Variants in MASTL observed in about 807,000 individuals in gnomAD.
MASTL encodes the protein serine/threonine-protein kinase greatwall.
MASTL carries 54 observed loss-of-function variants against 82.5 expected under a neutral mutation model. That is an observed-to-expected ratio of 0.65 (90% CI 0.53 to 0.82). The LOEUF (loss-of-function observed/expected upper bound fraction) is 0.82, where lower values mean the gene tolerates loss of function less well. MASTL is among the 40% of genes least tolerant of loss of function. The pLI is 0.00. For missense variants in MASTL, 950 were observed against 1,047.8 expected (o/e 0.91, Z 1.29); for synonymous variants, 323 against 368.9 (o/e 0.88, Z 1.43).
At chr10:27,177,167 T>C (rs2058128150) in intron 9 of MASTL, among the ~76,000 whole-genome samples, 1 of 152,104 alleles carries the variant, frequency 6.6e-6, no homozygotes, top group Non-Finnish European at 1.5e-5. Flanking sequence ...GTTTTCTGCC[T>C]TCTGCATAGC....
Position 27,159,604 on chromosome 10 carries a change from A to G in MASTL, c.325-15A>G. Reference sequence around the variant, plus strand: ...TATTGTTTTTATTTCACAATATTAAATTCTTTTTTGAAAGGTAATGGAATA... The same window carrying G: ...TATTGTTTTTATTTCACAATATTAAGTTCTTTTTTGAAAGGTAATGGAATA... On this transcript the variant is annotated splice_polypyrimidine_tract_variant and intron_variant, in intron 2 of 11. Transcript: ENST00000375940. This position sits in a 1 kb window ranked among gnomAD's most constrained non-coding sequence, Gnocchi z 4.0. 1.4e-6 allele frequency: 2 copies of G among 1,468,336 alleles called. No homozygotes were observed. Among genetic ancestry groups the G allele is most frequent in the Non-Finnish European group, 1.9e-6 (2 of 1,048,944 alleles). 91.0% of individuals were successfully genotyped at this position (1,468,336 alleles called of 1,614,324 possible).
At chr10:27,184,554 A>AGTTTTT (rs2058537244) in intron 11 of MASTL, among the ~76,000 whole-genome samples, 1 of 84,848 alleles carries the variant, frequency 1.2e-5, no homozygotes, top group Admixed American at 1.8e-4. Flanking sequence ...TATAAGAAGG[A>AGTTTTT]TTTTTTTTTT....
At chr10:27,173,735 C>T (rs1188535450) in intron 9 of MASTL, among the ~76,000 whole-genome samples, 2 of 152,074 alleles carry the variant, frequency 1.3e-5, no homozygotes, top group Non-Finnish European at 2.9e-5. Flanking sequence ...CATCCACCAT[C>T]ATGCCCGCCT....
At chr10:27,178,955 A>G (rs1157885859) in intron 9 of MASTL, among the ~76,000 whole-genome samples, 1 of 152,178 alleles carries the variant, frequency 6.6e-6, no homozygotes, top group Non-Finnish European at 1.5e-5. Flanking sequence ...TATGGCTCGC[A>G]GGTAAAATGG....
intron 3 of MASTL, among the ~76,000 whole-genome samples, chr10:27,160,814 T>A (rs1445930396): frequency 6.6e-6 from 1 of 152,054 alleles, no homozygotes; most frequent in Non-Finnish European, 1.5e-5. Context: ...TGAGGTTGAT[T>A]TTATCTAATA....
In MASTL at chr10:27,155,535, A is replaced by C. The variant is rs1012781973; in HGVS notation, c.109A>C (p.Ile37Leu). 1 of 1,614,192 alleles carries C rather than the reference A, an allele frequency of 6.2e-7. No homozygotes were observed. Among genetic ancestry groups the C allele is most frequent in the East Asian group, 2.2e-5 (1 of 44,872 alleles). Reference protein sequence around the residue: ...PKPPSIEEFSIVKPISRGAFG... With the variant: ...PKPPSIEEFSLVKPISRGAFG... ...ACCGCCCTCCATTGAGGAATTCAGCATAGTGAAGCCCATTAGCCGGGGCGC... is the reference window on the plus strand; with the variant it reads ...ACCGCCCTCCATTGAGGAATTCAGCCTAGTGAAGCCCATTAGCCGGGGCGC... Residue 37 changes from isoleucine to leucine, a missense_variant, in exon 1 of 12, where the codon ATA becomes CTA. Coordinates refer to ENST00000375940, the MANE Select transcript of MASTL (RefSeq NM_001172303.3).
In MASTL at chr10:27,161,182, G is replaced by A. The variant is rs1445023135; in HGVS notation, c.553G>A (p.Asp185Asn). 4 of 1,538,952 alleles carry A rather than the reference G, an allele frequency of 2.6e-6. No individual in the cohort carries two copies. Among genetic ancestry groups the A allele is most frequent in the Non-Finnish European group, 9.0e-7 (1 of 1,112,004 alleles). ...FGLSKVTLNRDINMMDILTTP... is the reference protein window; with the variant it reads ...FGLSKVTLNRNINMMDILTTP... ...CCTTTCAAAAGTTACTTTGAATAGA[G>A]GTAAGAAAAATATCAAGTAAGTACT... Residue 185 changes from aspartate to asparagine, a missense_variant and splice_region_variant, in exon 4 of 12, where the codon GAT becomes AAT. Coordinates refer to ENST00000375940, the MANE Select transcript of MASTL (RefSeq NM_001172303.3).
intron 1 of MASTL, 60 bp downstream of exon 1, chr10:27,155,672 A>T: frequency 6.3e-7 from 1 of 1,596,374 alleles, no homozygotes; most frequent in Non-Finnish European, 8.6e-7. Context: ...TTCCTGCCCC[A>T]CCGGCTTGGG....
chr10:27,181,082 C>A lies in MASTL; in HGVS notation c.2380+16C>A. 6.6e-7 allele frequency: 1 copy of A among 1,517,844 alleles called. No homozygotes were observed. The highest frequency in any genetic ancestry group is 9.2e-7 in the Non-Finnish European group (1 of 1,092,512). The allele number at this position is 1,517,844 out of a possible 1,614,324, so 94.0% of individuals were successfully genotyped here. A position where few individuals can be genotyped will look rare whatever the true frequency, so the allele number is the denominator to read the frequency against. On this transcript the variant is annotated intron_variant, in intron 10 of 11. Coordinates refer to ENST00000375940, the MANE Select transcript of MASTL (RefSeq NM_001172303.3). ...CTGAAAAGAGGTGATTCTTTTTCTCCTATTAAGATAGTCATTTACTGGCTG... is the reference window on the plus strand; with the variant it reads ...CTGAAAAGAGGTGATTCTTTTTCTCATATTAAGATAGTCATTTACTGGCTG...
Position 27,159,669 on chromosome 10 carries a change from T to A in MASTL, c.375T>A (p.Tyr125Ter), listed in dbSNP as rs756890288. 1 of 1,576,974 alleles carries A rather than the reference T, an allele frequency of 6.3e-7. No homozygotes were observed. Among genetic ancestry groups the A allele is most frequent in the Non-Finnish European group, 8.7e-7 (1 of 1,146,274 alleles). ...ATGTCAAGTCTCTCCTACATATATA[T>A]GGTTATTTTGATGAAGAGATGGCTG... Reference protein sequence around the residue: ...GGDVKSLLHIYGYFDEEMAVK... With the variant: ...GGDVKSLLHI The change falls in exon 3 of 12, where the codon TAT becomes TAA. Residue 125 changes from tyrosine to a stop codon, truncating the protein, a stop_gained. Transcript: ENST00000375940. LOFTEE classifies it high-confidence loss of function. The surrounding 1 kb of genome is among the most constrained non-coding windows in gnomAD (Gnocchi z 4.0).
chr10:27,156,098 G>A (rs755765141), intron 1 of MASTL, among the ~76,000 whole-genome samples: 3 of 152,076 alleles, frequency 2.0e-5, no homozygotes, highest in Non-Finnish European at 2.9e-5. Context: ...TCCGCCCCCC[G>A]GGTTCACGCC....
chr10:27,185,829 C>T (rs1010937520), intron 11 of MASTL, among the ~76,000 whole-genome samples: 1 of 151,028 alleles, frequency 6.6e-6, no homozygotes, highest in Admixed American at 6.6e-5. Flanking sequence ...GTGACTCACA[C>T]CTGTAATCCC....
At chr10:27,158,723 T>C in intron 2 of MASTL, 37 bp downstream of exon 2, 8 of 1,606,002 alleles carry the variant, frequency 5.0e-6, no homozygotes, top group Non-Finnish European at 6.8e-6. Flanking sequence ...CTTTATCCAT[T>C]AAGCAGTCAT....
intron 11 of MASTL, among the ~76,000 whole-genome samples, chr10:27,181,910 C>T (rs1377193034): frequency 1.3e-5 from 2 of 151,784 alleles, no homozygotes; most frequent in African/African-American, 2.4e-5. Context: ...TCTGTCCCTA[C>T]TAAAAATACA....
At chr10:27,157,511 C>T (rs953231279) in intron 1 of MASTL, among the ~76,000 whole-genome samples, 3 of 152,318 alleles carry the variant, frequency 2.0e-5, no homozygotes, top group African/African-American at 7.2e-5. Flanking sequence ...TTATCATGTA[C>T]TAATGATTTT....
chr10:27,181,373 A>G, intron 10 of MASTL, 107 bp from the exon 11 acceptor site: 1 of 823,068 alleles, frequency 1.2e-6, no homozygotes, highest in Admixed American at 1.9e-5. Context: ...CCTGGGTGAC[A>G]AGAGTGAAAC....
intron 4 of MASTL, 75 bp from the exon 5 acceptor site, chr10:27,164,989 T>C: frequency 1.0e-6 from 1 of 982,046 alleles, no homozygotes; most frequent in East Asian, 2.5e-5. Context: ...TGTTGTCATA[T>C]ACATAACATT....
chr10:27,170,867 A>G lies in MASTL; in HGVS notation c.1908A>G (p.Leu636=). The change falls in exon 8 of 12, where the codon TTA becomes TTG. Residue 636 remains leucine (L), a synonymous_variant. Transcript: ENST00000375940. ...PAVQESNQKM[L]GPPLEVLKTL... The stretch of plus-strand genomic sequence containing the variant: ...TACAAGAGAGTAACCAAAAAATGTT[A>G]GGTCCTCCTTTGGAGGTGCTGAAAA... The G allele has an allele frequency of 1.2e-6, 2 of 1,614,158 alleles. No individual in the cohort carries two copies. The highest frequency in any genetic ancestry group is 1.7e-6 in the Non-Finnish European group (2 of 1,180,000).
At position 27,159,352 on chromosome 10, in the gene MASTL, G is replaced by A. The variant is rs1283199204; in HGVS notation, c.325-267G>A. ...TGGCCAGGCTAGTCTCGAACTCCTG[G>A]CCTCAAGTGATCTGCCCATCTTGGC... On this transcript the variant is annotated intron_variant, in intron 2 of 11. Transcript: ENST00000375940. The surrounding 1 kb of genome is among the most constrained non-coding windows in gnomAD (Gnocchi z 4.0). Among the ~76,000 whole-genome samples the A allele has an allele frequency of 1.3e-5, 2 of 152,082 alleles. No individual in the cohort carries two copies. The highest frequency in any genetic ancestry group is 2.9e-5 in the Non-Finnish European group (2 of 68,030).
Sources: gnomAD v4.1 joint callset for allele counts (sites outside exome capture counted in the v4.1 genomes callset) on GRCh38, gnomAD v4.1.1 for gene constraint, Gnocchi (gnomAD v3.1) non-coding constraint, MANE v1.5 for transcripts, NCBI Gene and HGNC (gene_info 2026-07-23, HGNC 2026-07-21) for gene names.